The following PADI2 variants were observed in gnomAD, a reference collection of about 807,000 sequenced individuals.
PADI2 encodes the protein protein-arginine deiminase type-2.
A neutral mutation model predicts 81.1 loss-of-function variants in PADI2; 70 were observed. The observed-to-expected ratio is 0.86, with a 90% confidence interval of 0.71 to 1.05. The LOEUF is 1.05. PADI2 is among the 50% of genes least tolerant of loss of function. The pLI is 0.00. For missense variants in PADI2, 853 were observed against 889.9 expected (o/e 0.96, Z 0.53); for synonymous variants, 338 against 358.0 (o/e 0.94, Z 0.63).
chr1:17,109,385 C>T (rs1931493832), intron 1 of PADI2, among the ~76,000 whole-genome samples: 1 of 43,930 alleles, frequency 2.3e-5, no homozygotes. Flanking sequence ...GAGACTCTGT[C>T]TATTAAAAAA....
Position 17,115,625 on chromosome 1 carries a change from C to T in PADI2, c.92+3655G>A, listed in dbSNP as rs1483788809. On this transcript the variant is annotated intron_variant, in intron 1 of 15. Transcript: ENST00000375486. The surrounding 1 kb of genome is among the most constrained non-coding windows in gnomAD (Gnocchi z 4.1). Reference sequence around the variant, plus strand: ...CCAGGGCTCACAAGAGGTGGGTGGCCAGGATGGAACCAACCTAGGGACTCC... The same window carrying T: ...CCAGGGCTCACAAGAGGTGGGTGGCTAGGATGGAACCAACCTAGGGACTCC... Among the ~76,000 whole-genome samples the T allele has an allele frequency of 2.0e-5, 3 of 152,156 alleles. No individual in the cohort carries two copies. Among genetic ancestry groups the T allele is most frequent in the Non-Finnish European group, 4.4e-5 (3 of 68,032 alleles).
rs536302820 is a variant in PADI2 at position 17,115,750 on chromosome 1, TTG to T, written c.92+3528_92+3529del. On this transcript the variant is annotated intron_variant, in intron 1 of 15. Transcript: ENST00000375486. This position sits in a 1 kb window ranked among gnomAD's most constrained non-coding sequence, Gnocchi z 4.1. The stretch of plus-strand genomic sequence containing the variant: ...CGGCTAAAGGGACCACCGGAGGAGA[TTG>T]TGTGGGCCAGGTGTACCTGTGCCAA... Among the ~76,000 whole-genome samples, 475 of 152,234 alleles carry T rather than the reference TTG, an allele frequency of 3.1e-3. 1 individual carries two copies. The highest frequency in any genetic ancestry group is 3.8e-3 in the Non-Finnish European group (261 of 68,018).
chr1:17,106,472 TCTCA>T (rs1380540043), intron 1 of PADI2, among the ~76,000 whole-genome samples: 1 of 144,888 alleles, frequency 6.9e-6, no homozygotes, highest in Non-Finnish European at 1.5e-5. Context: ...TGAGATGGAG[TCTCA>T]CTGTCTCCCA....
chr1:17,088,373 C>T (rs1461682861), intron 6 of PADI2, among the ~76,000 whole-genome samples: 1 of 152,124 alleles, frequency 6.6e-6, no homozygotes, highest in Non-Finnish European at 1.5e-5. Flanking sequence ...TGGTTAATGA[C>T]CAGATGCTCA....
intron 13 of PADI2, among the ~76,000 whole-genome samples, chr1:17,073,607 T>C (rs2078279482): frequency 6.6e-6 from 1 of 152,002 alleles, no homozygotes; most frequent in African/African-American, 2.4e-5. Context: ...CTGGGGACTA[T>C]TAGAGTGGGG....
At chr1:17,091,707 C>A (rs1930706343) in intron 6 of PADI2, among the ~76,000 whole-genome samples, 1 of 152,158 alleles carries the variant, frequency 6.6e-6, no homozygotes, top group African/African-American at 2.4e-5. Flanking sequence ...CAGAGGCACC[C>A]ATCTAGTGGT....
rs866047740 is a variant in PADI2 at position 17,115,001 on chromosome 1, A to C, written c.92+4279T>G. Among the ~76,000 whole-genome samples, 6 of 152,278 alleles carry C rather than the reference A, an allele frequency of 3.9e-5. 1 individual carries two copies. The highest frequency in any genetic ancestry group is 3.4e-3 in the Middle Eastern group (1 of 294). On this transcript the variant is annotated intron_variant, in intron 1 of 15. Transcript: ENST00000375486. The surrounding 1 kb of genome is among the most constrained non-coding windows in gnomAD (Gnocchi z 4.1). ...ATAGCACCCCAGGCCCCCATCATGG[A>C]AAACTGGATCTCAGACCCTCCTGGC...
chr1:17,086,657 C>T lies in PADI2; in HGVS notation c.698G>A (p.Arg233Gln), dbSNP rs61749340. The part of the protein sequence containing the change: ...GQRYIHILGR[R>Q]KLYHVVKYTG... ...GTACTTGACCACATGGTAGAGCTTC[C>T]GCCGGCCCAGGATGTGGATATAGCG... Residue 233 changes from arginine to glutamine, a missense_variant, in exon 7 of 16, where the codon CGG becomes CAG. By Grantham distance (43) the Arg-to-Gln change is conservative (BLOSUM62 1). Transcript: ENST00000375486. The T allele has an allele frequency of 8.6e-3, 13,942 of 1,614,000 alleles. 77 individuals carry two copies. The highest frequency in any genetic ancestry group is 0.01 in the Non-Finnish European group (12,242 of 1,180,016).
chr1:17,085,565 C>T (rs946182588), intron 7 of PADI2, among the ~76,000 whole-genome samples: 1 of 152,194 alleles, frequency 6.6e-6, no homozygotes, highest in Non-Finnish European at 1.5e-5. Flanking sequence ...TGCTCACAAC[C>T]ACCCCCGGCA....
intron 1 of PADI2, among the ~76,000 whole-genome samples, chr1:17,112,977 T>C (rs1931636041): frequency 6.6e-6 from 1 of 152,200 alleles, no homozygotes; most frequent in South Asian, 2.1e-4. Flanking sequence ...TCTCTGCCCC[T>C]GAGTGGCATG....
chr1:17,071,469 C>T lies in PADI2; in HGVS notation c.1572G>A (p.Lys524=). ...ACAGAATCTTGTTGATGGTGATTCG[C>T]TTGCTGCTCATCCCACCCAAGCCTG... ...MFKGLGGMSS[K]RITINKILSN... The change falls in exon 14 of 16, where the codon AAG becomes AAA. Residue 524 remains lysine (K), a synonymous_variant. Coordinates refer to ENST00000375486, the MANE Select transcript of PADI2 (RefSeq NM_007365.3). 1.2e-6 allele frequency: 2 copies of T among 1,614,114 alleles called. No individual in the cohort carries two copies. The highest frequency in any genetic ancestry group is 2.2e-5 in the South Asian group (2 of 91,084).
chr1:17,083,853 A>G lies in PADI2; in HGVS notation c.939-16T>C, dbSNP rs369244078. On this transcript the variant is annotated splice_polypyrimidine_tract_variant and intron_variant, in intron 8 of 15. Coordinates refer to ENST00000375486, the MANE Select transcript of PADI2 (RefSeq NM_007365.3). ...ATCCTTCATGCTGAGAAGTTGGGGG[A>G]AGAAGGAGAGGCCAGGAGAAAGGGT... 2.0e-6 allele frequency: 3 copies of G among 1,518,038 alleles called. No individual in the cohort carries two copies. The African/African-American group carries it at 4.1e-5, about 21-fold the overall frequency. The allele number at this position is 1,518,038 out of a possible 1,614,324, so 94.0% of individuals were successfully genotyped here.
chr1:17,102,931 A>C, intron 3 of PADI2, 56 bp downstream of exon 3: 1 of 1,339,498 alleles, frequency 7.5e-7, no homozygotes, highest in Non-Finnish European at 1.1e-6. Flanking sequence ...AGAGAAGGAC[A>C]ACAGTGCCAG....
intron 13 of PADI2, among the ~76,000 whole-genome samples, chr1:17,072,788 G>T (rs1450177123): frequency 6.6e-6 from 1 of 152,178 alleles, no homozygotes; most frequent in Non-Finnish European, 1.5e-5. Flanking sequence ...AATACAAAGA[G>T]AAATCTGGGG....
chr1:17,103,702 G>A (rs1038842780), intron 2 of PADI2, among the ~76,000 whole-genome samples: 53 of 152,002 alleles, frequency 3.5e-4, no homozygotes, highest in African/African-American at 1.1e-3. Flanking sequence ...CTGGAAATGC[G>A]GCTATTCTGA....
In PADI2 at chr1:17,090,430, C is replaced by A. The variant is rs187423952; in HGVS notation, c.655+1978G>T. 1.6e-3 allele frequency among the ~76,000 whole-genome samples: 245 copies of A among 152,346 alleles called. 1 individual carries two copies. The highest frequency in any genetic ancestry group is 5.6e-3 in the African/African-American group (233 of 41,574). ...AGGGGTCCTTCAGTCTCCAACCCAG[C>A]CCCCTGGCCTTGGGGAGAGCTGGTC... is the stretch of plus-strand genomic sequence containing the variant. On this transcript the variant is annotated intron_variant, in intron 6 of 15. Transcript: ENST00000375486.
rs71006417 is a variant in PADI2, at chr1:17,074,392, CAAAA to C, written c.1549+460_1549+463del. On this transcript the variant is annotated intron_variant, in intron 13 of 15. Transcript: ENST00000375486. ...GGGCAATAAGAGCGAAACTCTGTCT[CAAAA>C]AAAAAAAAAAAAAGTATTATAAAAA... is the stretch of plus-strand genomic sequence containing the variant. Among the ~76,000 whole-genome samples, 223 of 142,362 alleles carry C rather than the reference CAAAA, an allele frequency of 1.6e-3. 1 individual carries two copies. Among genetic ancestry groups the C allele is most frequent in the Admixed American group, 1.5e-3 (22 of 14,254 alleles). The allele number at this position is 142,362 out of a possible 152,430, so 93.4% of individuals were successfully genotyped here.
Position 17,081,146 on chromosome 1 carries a change from A to T in PADI2, c.1158+1399T>A, listed in dbSNP as rs180814245. ...GGCCTCGCTTCTCATGCCTGTGGCA[A>T]CTGGTGCTGGTGGTTGGTTTGACTC... On this transcript the variant is annotated intron_variant, in intron 10 of 15. Coordinates refer to ENST00000375486, the MANE Select transcript of PADI2 (RefSeq NM_007365.3). Among the ~76,000 whole-genome samples the T allele has an allele frequency of 7.3e-4, 111 of 152,342 alleles. No homozygotes were observed. In the East Asian group the frequency reaches 0.019, roughly 26 times the overall value.
intron 1 of PADI2, among the ~76,000 whole-genome samples, chr1:17,117,495 T>C (rs1236657998): frequency 6.6e-6 from 1 of 152,152 alleles, no homozygotes; most frequent in African/African-American, 2.4e-5. Flanking sequence ...CTCTCTGTGG[T>C]GGTGGAGAAC....
Sources: gnomAD v4.1 joint callset for allele counts (sites outside exome capture counted in the v4.1 genomes callset) on GRCh38, gnomAD v4.1.1 for gene constraint, Gnocchi (gnomAD v3.1) non-coding constraint, MANE v1.5 for transcripts, NCBI Gene and HGNC (gene_info 2026-07-23, HGNC 2026-07-21) for gene names.